Variants in PDE6B observed in about 807,000 individuals in gnomAD.
The protein encoded by PDE6B is phosphodiesterase 6B.
PDE6B carries 106 observed loss-of-function variants against 109.0 expected under a neutral mutation model. The observed-to-expected ratio is 0.97, with a 90% CI of 0.83 to 1.14. PDE6B has a LOEUF of 1.14. PDE6B is among the 50% of genes most tolerant of loss of function. The pLI is 0.00. For missense variants in PDE6B, 1,193 were observed against 1,155.6 expected, an observed-to-expected ratio of 1.03 and a Z score of -0.47; for synonymous variants, 490 against 471.3, an observed-to-expected ratio of 1.04 and a Z score of -0.51.
intron 1 of PDE6B, among the ~76,000 whole-genome samples, chr4:632,416 G>T (rs962402410): frequency 6.6e-6 from 1 of 151,306 alleles, no homozygotes; most frequent in African/African-American, 2.4e-5. Context: ...GGTTATGAGG[G>T]TCACATTGTG....
intron 3 of PDE6B, among the ~76,000 whole-genome samples, chr4:641,663 C>T (rs1411707406): frequency 6.6e-6 from 1 of 152,212 alleles, no homozygotes; most frequent in South Asian, 2.1e-4. Flanking sequence ...TTTTTGTTTT[C>T]TGAGACAGAG....
chr4:634,418 G>C (rs752647566), intron 1 of PDE6B, among the ~76,000 whole-genome samples: 5 of 152,188 alleles, frequency 3.3e-5, no homozygotes, highest in Non-Finnish European at 5.9e-5. Flanking sequence ...CCCCCCATGA[G>C]GCCTGTCCAA....
chr4:666,017 C>T lies in PDE6B; in HGVS notation c.2269-514C>T, dbSNP rs893957478. On this transcript the variant is annotated intron_variant, in intron 19 of 21. Transcript: ENST00000496514. This position sits in a 1 kb window ranked among gnomAD's most constrained non-coding sequence, Gnocchi z 5.6. ...GGACAGGCAGCAGGTCCATCCCCCGCGCCCGGCCTCTAGAGTCCTGCATGG... is the reference window on the plus strand; with the variant it reads ...GGACAGGCAGCAGGTCCATCCCCCGTGCCCGGCCTCTAGAGTCCTGCATGG... Among the ~76,000 whole-genome samples, 8 of 152,160 alleles carry T rather than the reference C, an allele frequency of 5.3e-5. No individual in the cohort carries two copies. The highest frequency in any genetic ancestry group is 7.2e-5 in the African/African-American group (3 of 41,428).
In PDE6B at chr4:655,988, C is replaced by T. The variant is rs759436380; in HGVS notation, c.1041C>T (p.Tyr347=). The T allele has an allele frequency of 9.3e-6, 15 of 1,608,404 alleles. No individual in the cohort carries two copies. Among genetic ancestry groups the T allele is most frequent in the South Asian group, 1.1e-5 (1 of 90,986 alleles). The change falls in exon 7 of 22, where the codon TAC becomes TAT. Residue 347 remains tyrosine (Y), a synonymous_variant. Coordinates refer to ENST00000496514, the MANE Select transcript of PDE6B (RefSeq NM_000283.4). ...CCCTGGCCAGCGGCCTTCCAAGCTACGTGGCAGAAAGCGGCTTTGTGAGTC... is the reference window on the plus strand; with the variant it reads ...CCCTGGCCAGCGGCCTTCCAAGCTATGTGGCAGAAAGCGGCTTTGTGAGTC... ...HWALASGLPS[Y]VAESGFICNI...
In PDE6B at chr4:657,423, C is replaced by A. The variant is rs189094454; in HGVS notation, c.1330C>A (p.Arg444Ser). 1.2e-6 allele frequency: 2 copies of A among 1,613,064 alleles called. No homozygotes were observed. The highest frequency in any genetic ancestry group is 2.2e-5 in the South Asian group (2 of 91,076). ...TYDKMNKLENRKDIAQDMVLY... is the reference protein window; with the variant it reads ...TYDKMNKLENSKDIAQDMVLY... ...CGACAAGATGAACAAGCTGGAGAAC[C>A]GCAAGGACATCGCACAGGACATGGT... Residue 444 changes from arginine to serine, a missense_variant, in exon 10 of 22, where the codon CGC becomes AGC. Transcript: ENST00000496514.
In PDE6B at chr4:636,835, G is replaced by A. The variant is rs1342130603; in HGVS notation, c.711+866G>A. On this transcript the variant is annotated intron_variant, in intron 3 of 21. Coordinates refer to ENST00000496514, the MANE Select transcript of PDE6B (RefSeq NM_000283.4). The surrounding 1 kb of genome is among the most constrained non-coding windows in gnomAD (Gnocchi z 4.5). ...CCCAGGGCTGCCTCAGGGGCAGTCT[G>A]GAAAGGCGGTCAGGGCCCCTGGGGC... 2.0e-5 allele frequency among the ~76,000 whole-genome samples: 3 copies of A among 152,346 alleles called. No individual in the cohort carries two copies. The South Asian group carries it at 6.2e-4, about 32-fold the overall frequency.
At chr4:639,308 G>A (rs182126269) in intron 3 of PDE6B, among the ~76,000 whole-genome samples, 2 of 152,012 alleles carry the variant, frequency 1.3e-5, no homozygotes, top group East Asian at 3.9e-4. Context: ...CCACACCTGG[G>A]TAATTATTTT....
intron 8 of PDE6B, 147 bp from the exon 9 acceptor site, chr4:656,727 G>A: frequency 2.8e-6 from 2 of 707,782 alleles, no homozygotes; most frequent in South Asian, 1.6e-5. Context: ...CAGAGAGGGA[G>A]AGAGGGAATG....
chr4:645,166 C>G (rs188236312), intron 3 of PDE6B, among the ~76,000 whole-genome samples: 12 of 152,026 alleles, frequency 7.9e-5, no homozygotes, highest in Admixed American at 7.9e-4. Flanking sequence ...TCATTCCTTA[C>G]TTTTAAACTA....
chr4:651,759 T>C (rs28520978), intron 3 of PDE6B: 31,818 of 150,082 alleles, frequency 0.21, 3,815 homozygotes, highest in African/African-American at 0.33. Flanking sequence ...ATTCAGCAGG[T>C]GCCGGGGCTG....
Position 666,706 on chromosome 4 carries a change from G to T in PDE6B, c.2352+92G>T. 1.2e-6 allele frequency: 1 copy of T among 834,098 alleles called. No homozygotes were observed. The highest frequency in any genetic ancestry group is 1.4e-5 in the South Asian group (1 of 73,652). 51.7% of individuals were successfully genotyped at this position (834,098 alleles called of 1,614,324 possible). A position where few individuals can be genotyped will look rare whatever the true frequency, so the allele number is the denominator to read the frequency against. ...GGCTGGAGTCGCGTGGACTCACACG[G>T]GCCCGGCGGTGTCCTCACTGGAGTA... On this transcript the variant is annotated intron_variant, in intron 20 of 21. Coordinates refer to ENST00000496514, the MANE Select transcript of PDE6B (RefSeq NM_000283.4). The surrounding 1 kb of genome is among the most constrained non-coding windows in gnomAD (Gnocchi z 5.6).
At chr4:627,033 C>T (rs771634965) in intron 1 of PDE6B, among the ~76,000 whole-genome samples, 20 of 152,324 alleles carry the variant, frequency 1.3e-4, no homozygotes, top group East Asian at 1.9e-4. Context: ...AGGCAGCCTC[C>T]GCTCTTGCTG....
chr4:656,775 G>A (rs755719793), intron 8 of PDE6B, 99 bp from the exon 9 acceptor site: 78 of 1,118,078 alleles, frequency 7.0e-5, no homozygotes, highest in Middle Eastern at 2.6e-4. Flanking sequence ...CAGCCGTCAC[G>A]GCTCTAGGGG....
At position 633,337 on chromosome 4, in the gene PDE6B, C is replaced by A. The variant is rs1216887553; in HGVS notation, c.469-1340C>A. Among the ~76,000 whole-genome samples the A allele has an allele frequency of 6.6e-6, 1 of 152,216 alleles. No individual in the cohort carries two copies. Among genetic ancestry groups the A allele is most frequent in the Non-Finnish European group, 1.5e-5 (1 of 68,042 alleles). Reference sequence around the variant, plus strand: ...TTCCTGCTCCACCATCTTTTAAATGCTGGTTTTCCTTCAATGCCAGCCCAC... The same window carrying A: ...TTCCTGCTCCACCATCTTTTAAATGATGGTTTTCCTTCAATGCCAGCCCAC... On this transcript the variant is annotated intron_variant, in intron 1 of 21. Coordinates refer to ENST00000496514, the MANE Select transcript of PDE6B (RefSeq NM_000283.4). This position sits in a 1 kb window ranked among gnomAD's most constrained non-coding sequence, Gnocchi z 4.5.
rs1002286112 is a variant in PDE6B at position 629,628 on chromosome 4, G to A, written c.468+3534G>A. ...ACCTCATCACGGGGTCCTGCACGTC[G>A]CCAGCAGTCAAGACCCTTCGACTCA... On this transcript the variant is annotated intron_variant, in intron 1 of 21. Transcript: ENST00000496514. 2.6e-5 allele frequency among the ~76,000 whole-genome samples: 4 copies of A among 152,240 alleles called. No homozygotes were observed. The South Asian group carries it at 8.3e-4, about 32-fold the overall frequency.
intron 10 of PDE6B, among the ~76,000 whole-genome samples, chr4:658,063 GTCCAGGGGTCCA>G (rs1736567068): frequency 6.3e-5 from 6 of 94,826 alleles, no homozygotes; most frequent in Non-Finnish European, 8.2e-5. Context: ...GGGGCAGGTC[GTCCAGGGGTCCA>G]TCCAGGGGTC....
chr4:651,702 G>A (rs1378066635), intron 3 of PDE6B: 1 of 148,596 alleles, frequency 6.7e-6, no homozygotes, highest in Non-Finnish European at 1.5e-5. Flanking sequence ...GAGCTATGAA[G>A]AGCCGTCTCC....
intron 3 of PDE6B, among the ~76,000 whole-genome samples, chr4:640,154 A>G (rs1025557976): frequency 6.6e-6 from 1 of 152,162 alleles, no homozygotes; most frequent in Non-Finnish European, 1.5e-5. Context: ...AAAAAAGAAG[A>G]GTGATTTGCA....
In PDE6B at chr4:665,440, G is replaced by C. The variant is rs915643334; in HGVS notation, c.2268+111G>C. 5.3e-6 allele frequency: 4 copies of C among 753,800 alleles called. No individual in the cohort carries two copies. Among genetic ancestry groups the C allele is most frequent in the Admixed American group, 4.0e-5 (2 of 50,614 alleles). 46.7% of individuals were successfully genotyped at this position (753,800 alleles called of 1,614,324 possible). The stretch of plus-strand genomic sequence containing the variant: ...GTCTCAGGCAGGGGGTTCTGAGGTC[G>C]TGGGGTCCTTATCTCACTTTGTGGG... On this transcript the variant is annotated intron_variant, in intron 19 of 21. Coordinates refer to ENST00000496514, the MANE Select transcript of PDE6B (RefSeq NM_000283.4). This position sits in a 1 kb window ranked among gnomAD's most constrained non-coding sequence, Gnocchi z 4.0.
Sources: gnomAD v4.1 joint callset for allele counts (sites outside exome capture counted in the v4.1 genomes callset) on GRCh38, gnomAD v4.1.1 for gene constraint, Gnocchi (gnomAD v3.1) non-coding constraint, MANE v1.5 for transcripts, NCBI Gene and HGNC (gene_info 2026-07-23, HGNC 2026-07-21) for gene names.